The following ACIN1 variants were observed in gnomAD, a reference collection of about 807,000 sequenced individuals.
The protein encoded by ACIN1 is apoptotic chromatin condensation inducer 1, also known as apoptotic chromatin condensation inducer in the nucleus.
A neutral mutation model predicts 146.6 loss-of-function variants in ACIN1; 16 were observed. That is an observed-to-expected ratio of 0.11 (90% confidence interval 0.07 to 0.17). The LOEUF is 0.17. Ranked by LOEUF, ACIN1 falls within the 10% of genes least tolerant of loss-of-function variation. The pLI, the probability that ACIN1 is intolerant of heterozygous loss-of-function variation, is 1.00. For missense variants in ACIN1, 1,357 were observed against 1,609.3 expected (o/e 0.84, Z 2.68); for synonymous variants, 569 against 582.7 (o/e 0.98, Z 0.34).
At position 23,064,155 on chromosome 14, in the gene ACIN1, C is replaced by T. The variant is rs767793819; in HGVS notation, c.2545G>A (p.Asp849Asn). ...AGCCCCTTGTCATGGGTCCCATCAT[C>T]GCCATTACGCTCTGTCTCATCCTCA... ...ISEDETERNG[D>N]DGTHDKGLKI... is the part of the protein sequence containing the mutation. Residue 849 changes from aspartate (D) to asparagine (N), a missense_variant, in exon 12 of 19, where the codon GAT (aspartate) becomes AAT (asparagine). Physicochemically the swap from Asp to Asn is conservative, Grantham distance 23. Transcript: ENST00000605057. 10 of 1,614,034 alleles carry T rather than the reference C, an allele frequency of 6.2e-6. No individual in the cohort carries two copies. Among genetic ancestry groups the T allele is most frequent in the South Asian group, 2.2e-5 (2 of 91,088 alleles).
intron 9 of ACIN1, among the ~76,000 whole-genome samples, chr14:23,066,811 G>T (rs2047471681): frequency 6.6e-6 from 1 of 152,158 alleles, no homozygotes; most frequent in Non-Finnish European, 1.5e-5. Flanking sequence ...CTCTGCCAAA[G>T]ACCAGAAGAC....
chr14:23,066,268 AC>A (rs1250953218), intron 9 of ACIN1: 1 of 383,860 alleles, frequency 2.6e-6, no homozygotes, highest in African/African-American at 2.1e-5. Flanking sequence ...ACTCCGTATC[AC>A]ACCTGTGTAT....
Position 23,058,769 on chromosome 14 carries a change from A to G in ACIN1, c.*379T>C, listed in dbSNP as rs1244922996. On this transcript the variant is annotated 3_prime_UTR_variant, in exon 19 of 19. Coordinates refer to ENST00000605057, the MANE Select transcript of ACIN1 (RefSeq NM_001386863.1). ...GAGATGCTGATTCAGCTCATAGGTG[A>G]CCCAGTCCTGGCCCCGGCTGTTCCC... 3.8e-6 allele frequency: 1 copy of G among 263,188 alleles called. No individual in the cohort carries two copies. Among genetic ancestry groups the G allele is most frequent in the African/African-American group, 2.1e-5 (1 of 46,764 alleles). 16.3% of individuals were successfully genotyped at this position (263,188 alleles called of 1,614,324 possible).
chr14:23,077,971 G>C, intron 8 of ACIN1, 180 bp downstream of exon 8: 1 of 501,440 alleles, frequency 2.0e-6, no homozygotes, highest in South Asian at 3.0e-5. Flanking sequence ...CACTTTTCAG[G>C]TTACCTTAAA....
At chr14:23,094,433 CTAAAT>C (rs1424037103) in intron 1 of ACIN1, 2 of 983,004 alleles carry the variant, frequency 2.0e-6, no homozygotes, top group Non-Finnish European at 2.4e-6. Flanking sequence ...CTAGATGCCA[CTAAAT>C]TAGAGACCTC....
In ACIN1 at chr14:23,079,812, G is replaced by C; in HGVS notation, c.1523C>G (p.Pro508Arg). ...EGRRASHTLLPSHRLKQSADS... is the reference protein window; with the variant it reads ...EGRRASHTLLRSHRLKQSADS... ...AGCTGACTGTTTCAATCTGTGGCTT[G>C]GGAGAAGGGTATGAGAAGCTCTTCT... The change falls in exon 6 of 19, where the codon CCA (proline) becomes CGA (arginine). Residue 508 changes from proline (P) to arginine (R), a missense_variant. Pro to Arg is a moderately radical substitution (Grantham distance 103). Around this residue, in one of 4 missense-constraint regions of ACIN1, gnomAD observed 771 missense variants for 746.6 expected, o/e 1.03. Coordinates refer to ENST00000605057, the MANE Select transcript of ACIN1 (RefSeq NM_001386863.1). 1.2e-6 allele frequency: 2 copies of C among 1,614,174 alleles called. No individual in the cohort carries two copies. The highest frequency in any genetic ancestry group is 2.2e-5 in the East Asian group (1 of 44,890).
At position 23,080,535 on chromosome 14, in the gene ACIN1, T is replaced by G. The variant is rs751654100; in HGVS notation, c.800A>C (p.Lys267Thr). The G allele has an allele frequency of 5.6e-6, 9 of 1,614,130 alleles. No homozygotes were observed. Among genetic ancestry groups the G allele is most frequent in the Non-Finnish European group, 7.6e-6 (9 of 1,180,014 alleles). Residue 267 changes from lysine to threonine, a missense_variant, in exon 6 of 19, where the codon AAA (lysine) becomes ACA (threonine). Physicochemically the swap from Lys to Thr is moderately conservative, Grantham distance 78. Coordinates refer to ENST00000605057, the MANE Select transcript of ACIN1 (RefSeq NM_001386863.1). Reference sequence around the variant, plus strand: ...CACCTCCTGTTCCTGGGATCTTGTTTTGGGTCTCTCATCCATCATCTCCTC... The same window carrying G: ...CACCTCCTGTTCCTGGGATCTTGTTGTGGGTCTCTCATCCATCATCTCCTC... ...KPEEMMDERP[K>T]TRSQEQEVLE... is the part of the protein sequence containing the mutation.
intron 18 of ACIN1, among the ~76,000 whole-genome samples, chr14:23,060,152 T>C (rs2047231489): frequency 6.6e-6 from 1 of 151,466 alleles, no homozygotes. Context: ...GAGATGGGGT[T>C]TCACCATGTT....
rs889827702 is a variant in ACIN1, at chr14:23,067,831, G to C, written c.2265+1645C>G. The C allele has an allele frequency of 9.1e-6, 9 of 985,912 alleles. No homozygotes were observed. Among genetic ancestry groups the C allele is most frequent in the Non-Finnish European group, 9.6e-6 (8 of 829,988 alleles). The allele number at this position is 985,912 out of a possible 1,614,324, so 61.1% of individuals were successfully genotyped here. A position where few individuals can be genotyped will look rare whatever the true frequency, so the allele number is the denominator to read the frequency against. ...TAACTGGGGAGGGGGTCCTCTCACC[G>C]AGTGGGATCATGGAGCCTCTGATGA... On this transcript the variant is annotated intron_variant, in intron 9 of 18. Coordinates refer to ENST00000605057, the MANE Select transcript of ACIN1 (RefSeq NM_001386863.1). This position sits in a 1 kb window ranked among gnomAD's most constrained non-coding sequence, Gnocchi z 4.6.
intron 1 of ACIN1, among the ~76,000 whole-genome samples, chr14:23,094,104 C>G (rs2048300971): frequency 1.3e-5 from 2 of 150,760 alleles, no homozygotes; most frequent in African/African-American, 2.4e-5. Flanking sequence ...CCTAGTCTAT[C>G]CACACAAACA....
intron 18 of ACIN1, among the ~76,000 whole-genome samples, chr14:23,060,505 GTTC>G (rs990763530): frequency 2.0e-5 from 3 of 151,242 alleles, no homozygotes; most frequent in East Asian, 1.9e-4. Context: ...ATACAATCAA[GTTC>G]TTTTTTTTTT....
chr14:23,062,967 G>A lies in ACIN1; in HGVS notation c.2845C>T (p.Arg949Trp), dbSNP rs372945260. 7 of 1,611,986 alleles carry A rather than the reference G, an allele frequency of 4.3e-6. No individual in the cohort carries two copies. The highest frequency in any genetic ancestry group is 2.2e-5 in the South Asian group (2 of 90,648). ...TGGACAATGTTGCTAATCTTGCCCCGGGGTGGGGAGGGCACCTGGGCAGTT... is the reference window on the plus strand; with the variant it reads ...TGGACAATGTTGCTAATCTTGCCCCAGGGTGGGGAGGGCACCTGGGCAGTT... ...VRTAQVPSPPRGKISNIVHIS... is the reference protein window; with the variant it reads ...VRTAQVPSPPWGKISNIVHIS... Residue 949 changes from arginine (R) to tryptophan (W), a missense_variant, in exon 14 of 19, where the codon CGG (arginine) becomes TGG (tryptophan). Arg to Trp is a moderately radical substitution (Grantham distance 101). Around this residue, in one of 4 missense-constraint regions of ACIN1, gnomAD observed 509 missense variants for 719.6 expected, o/e 0.71. Transcript: ENST00000605057.
intron 7 of ACIN1, among the ~76,000 whole-genome samples, chr14:23,078,484 A>T (rs1331251448): frequency 2.0e-5 from 3 of 152,206 alleles, no homozygotes; most frequent in Non-Finnish European, 4.4e-5. Flanking sequence ...TTTTATCAGA[A>T]TTTTTAATTT....
At chr14:23,065,789 A>G (rs2047434171) in intron 10 of ACIN1, among the ~76,000 whole-genome samples, 177 bp downstream of exon 10, 1 of 152,194 alleles carries the variant, frequency 6.6e-6, no homozygotes, top group Non-Finnish European at 1.5e-5. Flanking sequence ...GATTGTCTCA[A>G]GTTTTGAATT....
At chr14:23,094,797 G>C in intron 1 of ACIN1, 178 bp downstream of exon 1, 1 of 976,884 alleles carries the variant, frequency 1.0e-6, no homozygotes. Flanking sequence ...GGCGGGAACC[G>C]GCGCGATCTC....
intron 8 of ACIN1, chr14:23,071,079 C>T: frequency 6.5e-7 from 1 of 1,530,188 alleles, no homozygotes; most frequent in Non-Finnish European, 8.8e-7. Flanking sequence ...ACGAAGGGAG[C>T]TAGGGCGGCG....
chr14:23,080,139 G>T lies in ACIN1; in HGVS notation c.1196C>A (p.Thr399Lys), dbSNP rs1463315846. ...TAATAGCTCCCTGGTGTCAGCATCT[G>T]TATTAGGAGGAGATAACTGAATGAG... ...AVLIQLSPPNTDADTRELLVS... is the reference protein window; with the variant it reads ...AVLIQLSPPNKDADTRELLVS... Residue 399 changes from threonine to lysine, a missense_variant, in exon 6 of 19, where the codon ACA becomes AAA. Around this residue, in one of 4 missense-constraint regions of ACIN1, gnomAD observed 771 missense variants for 746.6 expected, o/e 1.03. Transcript: ENST00000605057. 1 of 1,614,160 alleles carries T rather than the reference G, an allele frequency of 6.2e-7. No individual in the cohort carries two copies. The highest frequency in any genetic ancestry group is 1.1e-5 in the South Asian group (1 of 91,084).
At chr14:23,090,715 C>G (rs978471251) in intron 2 of ACIN1, 82 bp from the exon 3 acceptor site, 13 of 1,074,340 alleles carry the variant, frequency 1.2e-5, no homozygotes, top group Non-Finnish European at 1.4e-5. Context: ...GAGCAAAGGT[C>G]CACTCCTTAT....
chr14:23,060,991 G>GC, intron 18 of ACIN1, 93 bp downstream of exon 18: 1 of 1,216,284 alleles, frequency 8.2e-7, no homozygotes, highest in Non-Finnish European at 1.2e-6. Context: ...AAGTACTTGG[G>GC]CCGACTCACT....
Sources: gnomAD v4.1 joint callset for allele counts (sites outside exome capture counted in the v4.1 genomes callset) on GRCh38, gnomAD v4.1.1 for gene constraint, gnomAD v4.1.1 regional missense constraint, Gnocchi (gnomAD v3.1) non-coding constraint, MANE v1.5 for transcripts, NCBI Gene and HGNC (gene_info 2026-07-23, HGNC 2026-07-21) for gene names.